The following RFX8 variants were observed in gnomAD, a reference collection of about 807,000 sequenced individuals.
The protein encoded by RFX8 is regulatory factor X8, also known as DNA-binding protein RFX8.
In RFX8, 46 loss-of-function variants were observed where a neutral mutation model predicts 54.6. The observed-to-expected ratio is 0.84, with a 90% CI of 0.67 to 1.08. The LOEUF is 1.08. Ranked by LOEUF, RFX8 falls within the 50% of genes least tolerant of loss-of-function variation. RFX8 has a pLI of 0.00. For synonymous variants in RFX8, 192 were observed against 209.5 expected (o/e 0.92, Z 0.72); for missense variants, 536 against 562.3 (o/e 0.95, Z 0.47).
At chr2:101,421,182 A>G (rs1686842343) in intron 4 of RFX8, 1 of 906,598 alleles carries the variant, frequency 1.1e-6, no homozygotes, top group African/African-American at 1.8e-5. Context: ...TCAGGAAAAA[A>G]ATCTCATTTG....
At chr2:101,415,257 G>A (rs574698983) in intron 6 of RFX8, among the ~76,000 whole-genome samples, 1 of 152,264 alleles carries the variant, frequency 6.6e-6, no homozygotes, top group South Asian at 2.1e-4. Flanking sequence ...GAGGCCCCGA[G>A]TGTACAGTTC....
rs567099644 is a variant in RFX8, at chr2:101,416,058, G to A, written c.503-1146C>T. On this transcript the variant is annotated intron_variant, in intron 6 of 11. Coordinates refer to ENST00000428343, the MANE Select transcript of RFX8 (RefSeq NM_001145664.2). ...CTTGGGAGATGGAGACAGGGATGGG[G>A]CCAGAGGCCAAACTGTGAATGACTG... is the stretch of plus-strand genomic sequence containing the variant. Among the ~76,000 whole-genome samples the A allele has an allele frequency of 8.5e-5, 13 of 152,320 alleles. No individual in the cohort carries two copies. The South Asian group carries it at 2.5e-3, about 29-fold the overall frequency.
rs1685502486 is a variant in RFX8, at chr2:101,402,622, G to A, written c.1059C>T (p.Leu353=). ...VKEMLPDDPT[L]GQPDQALFHS... ...GGAAAAGTGCCTGGTCTGGCTGGCC[G>A]AGAGTCGGGTCATCTGGTAGCATTT... Residue 353 remains leucine (L), a synonymous_variant, in exon 11 of 12, where the codon CTC becomes CTT. Transcript: ENST00000428343. 1.0e-5 allele frequency: 16 copies of A among 1,552,352 alleles called. No homozygotes were observed. Among genetic ancestry groups the A allele is most frequent in the South Asian group, 2.4e-5 (2 of 84,082 alleles).
At chr2:101,402,287 C>T (rs1319051017) in intron 11 of RFX8, 149 bp downstream of exon 11, 5 of 697,742 alleles carry the variant, frequency 7.2e-6, no homozygotes, top group Admixed American at 2.9e-5. Context: ...GTGAATTAAA[C>T]TCACCCCTGG....
Position 101,402,626 on chromosome 2 carries a change from G to A in RFX8, c.1055C>T (p.Thr352Ile). The A allele has an allele frequency of 1.9e-6, 3 of 1,552,688 alleles. No individual in the cohort carries two copies. The highest frequency in any genetic ancestry group is 2.6e-6 in the Non-Finnish European group (3 of 1,147,398). Reference sequence around the variant, plus strand: ...AAGTGCCTGGTCTGGCTGGCCGAGAGTCGGGTCATCTGGTAGCATTTCCTT... The same window carrying A: ...AAGTGCCTGGTCTGGCTGGCCGAGAATCGGGTCATCTGGTAGCATTTCCTT... ...TVKEMLPDDP[T>I]LGQPDQALFH... Residue 352 changes from threonine (T) to isoleucine (I), a missense_variant, in exon 11 of 12, where the codon ACT becomes ATT. Thr to Ile is a moderately conservative substitution (Grantham distance 89, BLOSUM62 -1). Coordinates refer to ENST00000428343, the MANE Select transcript of RFX8 (RefSeq NM_001145664.2).
chr2:101,459,472 C>A (rs1450361576), intron 2 of RFX8, among the ~76,000 whole-genome samples: 2 of 152,310 alleles, frequency 1.3e-5, no homozygotes, highest in East Asian at 3.9e-4. Context: ...AGTCAGGCCC[C>A]TCAGCTGCAG....
At chr2:101,423,946 A>G (rs1412099972) in intron 2 of RFX8, among the ~76,000 whole-genome samples, 1 of 152,036 alleles carries the variant, frequency 6.6e-6, no homozygotes, top group East Asian at 1.9e-4. Context: ...ATACTTCATA[A>G]CTCTGTTGTG....
At chr2:101,408,892 A>G (rs1440609398) in intron 9 of RFX8, among the ~76,000 whole-genome samples, 1 of 152,194 alleles carries the variant, frequency 6.6e-6, no homozygotes, top group Non-Finnish European at 1.5e-5. Context: ...GGATACAGAC[A>G]AGGCCAGGCA....
chr2:101,398,138 G>A (rs768999520), intron 11 of RFX8, among the ~76,000 whole-genome samples: 6 of 152,258 alleles, frequency 3.9e-5, no homozygotes, highest in Middle Eastern at 3.4e-3. Flanking sequence ...GATTACAGGC[G>A]TGAGCCACAG....
chr2:101,460,983 G>A (rs1410884954), intron 2 of RFX8, among the ~76,000 whole-genome samples: 1 of 151,658 alleles, frequency 6.6e-6, no homozygotes, highest in Non-Finnish European at 1.5e-5. Flanking sequence ...AAAATGACAG[G>A]AGACGACAGG....
At chr2:101,418,708 G>A (rs1026051274) in intron 5 of RFX8, 143 bp downstream of exon 5, 19 of 644,688 alleles carry the variant, frequency 2.9e-5, no homozygotes, top group Non-Finnish European at 5.1e-5. Flanking sequence ...GCAGAGATCA[G>A]AGGGCTCCTG....
chr2:101,431,530 A>T (rs945248036), intron 2 of RFX8, among the ~76,000 whole-genome samples: 1 of 152,186 alleles, frequency 6.6e-6, no homozygotes, highest in Admixed American at 6.5e-5. Flanking sequence ...ACAATTTTGA[A>T]TGGTGACATT....
chr2:101,452,454 A>C, intron 2 of RFX8: 1 of 1,320,338 alleles, frequency 7.6e-7, no homozygotes, highest in Non-Finnish European at 9.7e-7. Context: ...AAGCTAAAAG[A>C]ATAAGCCAGA....
chr2:101,407,635 T>C (rs1039711478), intron 9 of RFX8, among the ~76,000 whole-genome samples: 2 of 151,874 alleles, frequency 1.3e-5, no homozygotes, highest in South Asian at 4.2e-4. Context: ...GAGGTTGCAG[T>C]GAGCTGAGAT....
chr2:101,469,123 A>AGTATATATATAAGT (rs1689826634), intron 1 of RFX8, among the ~76,000 whole-genome samples: 1 of 105,634 alleles, frequency 9.5e-6, no homozygotes, highest in Non-Finnish European at 1.8e-5. Flanking sequence ...TATATATATA[A>AGTATATATATAAGT]GTATATATAT....
rs1686879024 is a variant in RFX8 at position 101,421,784 on chromosome 2, A to G, written c.184-7T>C. 3.2e-6 allele frequency: 5 copies of G among 1,545,002 alleles called. No individual in the cohort carries two copies. Among genetic ancestry groups the G allele is most frequent in the African/African-American group, 1.4e-5 (1 of 72,918 alleles). On this transcript the variant is annotated splice_polypyrimidine_tract_variant and splice_region_variant and intron_variant, in intron 3 of 11. Coordinates refer to ENST00000428343, the MANE Select transcript of RFX8 (RefSeq NM_001145664.2). ...CGTCAGCAAGGAAGGCCATCTAGGA[A>G]GAATATGGAAAATTATTTCAGCATG... is the stretch of plus-strand genomic sequence containing the variant.
At chr2:101,441,124 G>A (rs1056786349) in intron 2 of RFX8, among the ~76,000 whole-genome samples, 3 of 151,948 alleles carry the variant, frequency 2.0e-5, no homozygotes, top group South Asian at 2.1e-4. Flanking sequence ...CCGCCACCAC[G>A]GCCGGCTAAT....
chr2:101,448,498 C>T (rs1049123913), intron 2 of RFX8, among the ~76,000 whole-genome samples: 1 of 152,224 alleles, frequency 6.6e-6, no homozygotes, highest in South Asian at 2.1e-4. Flanking sequence ...TCACTCAAAG[C>T]CCAACGCCCT....
At chr2:101,469,072 ATATATAAGTG>A (rs1165563472) in intron 1 of RFX8, among the ~76,000 whole-genome samples, 36 of 9,042 alleles carry the variant, frequency 4.0e-3, no homozygotes, top group East Asian at 7.0e-3. Context: ...ATATGTATAT[ATATATAAGTG>A]TATATATATA....
Sources: gnomAD v4.1 joint callset for allele counts (sites outside exome capture counted in the v4.1 genomes callset) on GRCh38, gnomAD v4.1.1 for gene constraint, MANE v1.5 for transcripts, NCBI Gene and HGNC (gene_info 2026-07-23, HGNC 2026-07-21) for gene names.